The following XXYLT1 variants were observed in gnomAD, a reference collection of about 807,000 sequenced individuals.
XXYLT1 encodes the protein UDP-xylose:alpha-xyloside alpha-1,3-xylosyltransferase.
XXYLT1 carries 20 observed loss-of-function variants against 28.9 expected under a neutral mutation model. The observed-to-expected ratio is 0.69, with a 90% CI of 0.49 to 1.00. The LOEUF (loss-of-function observed/expected upper bound fraction) is 1.00, where lower values mean the gene tolerates loss of function less well. XXYLT1 is among the 50% of genes least tolerant of loss of function. The pLI is 0.00. For synonymous variants in XXYLT1, 257 were observed against 253.8 expected (o/e 1.01, Z -0.12); for missense variants, 542 against 560.1 (o/e 0.97, Z 0.33).
intron 3 of XXYLT1, among the ~76,000 whole-genome samples, chr3:195,146,227 T>C (rs1473501214): frequency 6.6e-6 from 1 of 152,224 alleles, no homozygotes; most frequent in African/African-American, 2.4e-5. Flanking sequence ...ACACGTGGTT[T>C]GTTACAGAAG....
At chr3:195,130,755 AC>A (rs1261151686) in intron 3 of XXYLT1, among the ~76,000 whole-genome samples, 1 of 152,230 alleles carries the variant, frequency 6.6e-6, no homozygotes. Flanking sequence ...AAGAATCTGA[AC>A]AAATGTACCC....
intron 2 of XXYLT1, among the ~76,000 whole-genome samples, chr3:195,157,401 T>G (rs76225889): frequency 4.5e-4 from 69 of 152,130 alleles, no homozygotes; most frequent in Non-Finnish European, 8.5e-4. Context: ...CAAGTGAAGA[T>G]GCTGACCAGA....
rs542077832 is a variant in XXYLT1 at position 195,142,577 on chromosome 3, G to T, written c.785+13872C>A. Among the ~76,000 whole-genome samples, 3 of 152,332 alleles carry T rather than the reference G, an allele frequency of 2.0e-5. No homozygotes were observed. In the East Asian group the frequency reaches 5.8e-4, roughly 29 times the overall value. ...GGGCCACCTAATTAGTTGTACAGAA[G>T]GAAAAAATAAGTTATCCAGGAGAAA... On this transcript the variant is annotated intron_variant, in intron 3 of 3. Transcript: ENST00000310380.
chr3:195,122,259 C>T, intron 3 of XXYLT1: 1 of 682,452 alleles, frequency 1.5e-6, no homozygotes. Context: ...AGGATTTCAA[C>T]ACATGAATTT....
At chr3:195,088,368 TCCCTGAC>T (rs1351177110) in intron 3 of XXYLT1, among the ~76,000 whole-genome samples, 2 of 147,356 alleles carry the variant, frequency 1.4e-5, no homozygotes, top group African/African-American at 2.4e-5. Flanking sequence ...CTCAAGTGGG[TCCCTGAC>T]CCCTGACCCC....
At position 195,088,324 on chromosome 3, in the gene XXYLT1, G is replaced by A. The variant is rs868301911; in HGVS notation, c.786-18213C>T. 4.1e-3 allele frequency among the ~76,000 whole-genome samples: 609 copies of A among 148,414 alleles called. 4 individuals carry two copies. Among genetic ancestry groups the A allele is most frequent in the African/African-American group, 9.7e-3 (397 of 41,058 alleles). Reference sequence around the variant, plus strand: ...AAGAGAGCAGTGGTTCTCCCAGCACGCAGCTGGAGATCTGAGAACGGGCAG... The same window carrying A: ...AAGAGAGCAGTGGTTCTCCCAGCACACAGCTGGAGATCTGAGAACGGGCAG... On this transcript the variant is annotated intron_variant, in intron 3 of 3. Coordinates refer to ENST00000310380, the MANE Select transcript of XXYLT1 (RefSeq NM_152531.5).
At chr3:195,117,853 A>G (rs1374263566) in intron 3 of XXYLT1, among the ~76,000 whole-genome samples, 1 of 152,250 alleles carries the variant, frequency 6.6e-6, no homozygotes, top group Non-Finnish European at 1.5e-5. Flanking sequence ...TGGAGTTCCC[A>G]TTCCTGGGCC....
chr3:195,219,316 C>T (rs2108792100), intron 2 of XXYLT1, among the ~76,000 whole-genome samples: 1 of 152,328 alleles, frequency 6.6e-6, no homozygotes, highest in African/African-American at 2.4e-5. Flanking sequence ...ACAGACCTCC[C>T]ATGGCAGTGA....
At chr3:195,112,176 A>C (rs1428221357) in intron 3 of XXYLT1, among the ~76,000 whole-genome samples, 10 of 152,172 alleles carry the variant, frequency 6.6e-5, no homozygotes, top group Admixed American at 6.5e-4. Flanking sequence ...TGAACTAGGA[A>C]ACTGAGGCTT....
intron 2 of XXYLT1, among the ~76,000 whole-genome samples, chr3:195,203,430 T>C (rs1023858139): frequency 1.3e-5 from 2 of 151,920 alleles, no homozygotes; most frequent in African/African-American, 4.8e-5. Flanking sequence ...TCACTGAAAA[T>C]CCCTGGGGGC....
Position 195,078,858 on chromosome 3 carries a change from A to C in XXYLT1, c.786-8747T>G, listed in dbSNP as rs1357881870. ...CTCCATCCCTAGGGACACCCTCAAG[A>C]ATTCCAAATGCTGATGGCCCTTCCC... On this transcript the variant is annotated intron_variant, in intron 3 of 3. Coordinates refer to ENST00000310380, the MANE Select transcript of XXYLT1 (RefSeq NM_152531.5). The surrounding 1 kb of genome is among the most constrained non-coding windows in gnomAD (Gnocchi z 5.0). Among the ~76,000 whole-genome samples, 2 of 152,044 alleles carry C rather than the reference A, an allele frequency of 1.3e-5. No homozygotes were observed. The highest frequency in any genetic ancestry group is 4.8e-5 in the African/African-American group (2 of 41,396).
At chr3:195,091,291 A>G (rs1716117370) in intron 3 of XXYLT1, among the ~76,000 whole-genome samples, 1 of 128,632 alleles carries the variant, frequency 7.8e-6, no homozygotes, top group Non-Finnish European at 1.6e-5. Flanking sequence ...AAATACTGGC[A>G]AAACGAATCC....
chr3:195,236,049 C>T (rs1441851255), intron 1 of XXYLT1, among the ~76,000 whole-genome samples: 1 of 152,180 alleles, frequency 6.6e-6, no homozygotes, highest in Non-Finnish European at 1.5e-5. Context: ...GATCTGAAGC[C>T]AGCACACCAC....
rs1184026087 is a variant in XXYLT1, at chr3:195,150,643, C to T, written c.785+5806G>A. ...GGTGGGCCGGGGCTCACACAGCACA[C>T]GGCTGCCCGCAGAGCCTGGGGAGAA... On this transcript the variant is annotated intron_variant, in intron 3 of 3. Transcript: ENST00000310380. This position sits in a 1 kb window ranked among gnomAD's most constrained non-coding sequence, Gnocchi z 4.7. Among the ~76,000 whole-genome samples the T allele has an allele frequency of 2.0e-5, 3 of 152,192 alleles. No individual in the cohort carries two copies. The highest frequency in any genetic ancestry group is 2.9e-5 in the Non-Finnish European group (2 of 68,034).
At chr3:195,245,830 T>C (rs998267130) in intron 1 of XXYLT1, among the ~76,000 whole-genome samples, 1 of 152,164 alleles carries the variant, frequency 6.6e-6, no homozygotes, top group Admixed American at 6.5e-5. Context: ...CTCCACTCTC[T>C]CCTGCCCCTG....
intron 1 of XXYLT1, among the ~76,000 whole-genome samples, chr3:195,253,051 C>T (rs1205321459): frequency 2.0e-5 from 3 of 152,186 alleles, no homozygotes; most frequent in Non-Finnish European, 4.4e-5. Context: ...TTACAGCTTT[C>T]CACTACCTGG....
At chr3:195,125,393 C>T (rs895928462) in intron 3 of XXYLT1, among the ~76,000 whole-genome samples, 15 of 152,240 alleles carry the variant, frequency 9.9e-5, no homozygotes, top group Admixed American at 6.5e-4. Flanking sequence ...GGAGAGCAGC[C>T]CAGAGCAGGC....
intron 3 of XXYLT1, among the ~76,000 whole-genome samples, chr3:195,080,890 G>C (rs960757518): frequency 1.3e-5 from 2 of 152,214 alleles, no homozygotes; most frequent in African/African-American, 4.8e-5. Context: ...GTGCTGGGCA[G>C]TATGACCCCC....
chr3:195,157,220 G>T (rs551321366), intron 2 of XXYLT1, among the ~76,000 whole-genome samples: 110 of 128,954 alleles, frequency 8.5e-4, no homozygotes, highest in African/African-American at 3.1e-3. Context: ...TCCAGCCTGG[G>T]CAACAGAGCA....
Sources: allele counts gnomAD v4.1 joint callset (sites outside exome capture counted in the v4.1 genomes callset), GRCh38; gene constraint gnomAD v4.1.1; non-coding constraint Gnocchi (gnomAD v3.1); transcripts MANE v1.5; gene names NCBI Gene and HGNC (gene_info 2026-07-23, HGNC 2026-07-21).